ARIH2: variants seen among roughly 807,000 people sequenced by gnomAD.
ARIH2 encodes the protein ariadne RBR E3 ubiquitin protein ligase 2, also known as E3 ubiquitin-protein ligase ARIH2.
Under a neutral mutation model 79.8 loss-of-function variants are expected in ARIH2, and 12 were observed. The observed-to-expected ratio is 0.15, with a 90% confidence interval of 0.10 to 0.24. ARIH2 has a LOEUF of 0.24. Among genes scored for constraint, ARIH2 ranks in the 10% least tolerant of loss-of-function variants. The pLI, the probability that ARIH2 is intolerant of heterozygous loss-of-function variation, is 1.00. For synonymous variants in ARIH2, 224 were observed against 213.9 expected (o/e 1.05, Z -0.41); for missense variants, 301 against 618.3 (o/e 0.49, Z 5.44).
chr3:48,923,817 C>T (rs368574954), intron 2 of ARIH2, among the ~76,000 whole-genome samples: 5 of 151,936 alleles, frequency 3.3e-5, no homozygotes, highest in African/African-American at 7.3e-5. Context: ...CACCGCGCCT[C>T]GCCAATATTT....
intron 3 of ARIH2, among the ~76,000 whole-genome samples, chr3:48,937,271 A>G (rs751800180): frequency 2.6e-5 from 4 of 152,194 alleles, no homozygotes; most frequent in African/African-American, 7.2e-5. Flanking sequence ...AGGAGTCTGT[A>G]GATAACCTTG....
chr3:48,935,387 T>C (rs900646713), intron 3 of ARIH2, among the ~76,000 whole-genome samples: 2 of 152,268 alleles, frequency 1.3e-5, no homozygotes, highest in Non-Finnish European at 2.9e-5. Flanking sequence ...AATGGCTGTG[T>C]AGCATGCCAT....
At chr3:48,974,933 GT>G (rs1295596022) in intron 10 of ARIH2, 24 bp from the exon 11 acceptor site, 5 of 1,614,020 alleles carry the variant, frequency 3.1e-6, no homozygotes. Context: ...CCCTTAACGT[GT>G]TTTCTTCTGT....
chr3:48,947,370 G>A (rs761800211), intron 3 of ARIH2, among the ~76,000 whole-genome samples: 6 of 151,824 alleles, frequency 4.0e-5, no homozygotes, highest in Non-Finnish European at 5.9e-5. Flanking sequence ...GAACCTGGGC[G>A]GTGGAGGTTG....
chr3:48,939,528 C>A (rs951567362), intron 3 of ARIH2, among the ~76,000 whole-genome samples: 1 of 151,434 alleles, frequency 6.6e-6, no homozygotes, highest in East Asian at 1.9e-4. Flanking sequence ...GAGGCCGAGG[C>A]GGGTGGATCA....
At chr3:48,946,924 ACTTTC>A (rs1196778013) in intron 3 of ARIH2, among the ~76,000 whole-genome samples, 3 of 152,102 alleles carry the variant, frequency 2.0e-5, no homozygotes, top group African/African-American at 7.2e-5. Context: ...TTGCTCATAC[ACTTTC>A]CTTCCCTAGC....
At chr3:48,921,114 G>A (rs1173417900) in intron 1 of ARIH2, among the ~76,000 whole-genome samples, 1 of 75,006 alleles carries the variant, frequency 1.3e-5, no homozygotes, top group Non-Finnish European at 2.7e-5. Flanking sequence ...ATGCTACCAC[G>A]CCCAGCTAAT....
rs1466929886 is a variant in ARIH2 at position 48,964,990 on chromosome 3, T to G, written c.387+8T>G. 1 of 1,612,032 alleles carries G rather than the reference T, an allele frequency of 6.2e-7. No individual in the cohort carries two copies. The highest frequency in any genetic ancestry group is 1.1e-5 in the South Asian group (1 of 90,990). On this transcript the variant is annotated splice_region_variant and intron_variant, in intron 5 of 15. Transcript: ENST00000356401. Reference sequence around the variant, plus strand: ...CCTAATCCATCAAAACATGTGAGTGTCTATTACTTGAATGAGGCTTCTCCT... The same window carrying G: ...CCTAATCCATCAAAACATGTGAGTGGCTATTACTTGAATGAGGCTTCTCCT...
chr3:48,947,457 A>AG (rs397989522), intron 3 of ARIH2, among the ~76,000 whole-genome samples: 1 of 149,850 alleles, frequency 6.7e-6, no homozygotes, highest in East Asian at 2.0e-4. Flanking sequence ...AAAAAAAAAA[A>AG]GGAAAAAAAA....
At chr3:48,976,964 GC>G (rs1185176534) in intron 11 of ARIH2, among the ~76,000 whole-genome samples, 1 of 151,964 alleles carries the variant, frequency 6.6e-6, no homozygotes, top group Non-Finnish European at 1.5e-5. Flanking sequence ...ACTTTGGGAG[GC>G]CGAGGTGGGC....
At chr3:48,928,052 C>G (rs377213399) in intron 3 of ARIH2, 2 of 504,992 alleles carry the variant, frequency 4.0e-6, no homozygotes, top group African/African-American at 3.8e-5. Flanking sequence ...GGGACAGATT[C>G]AAGAAAGATG....
chr3:48,976,249 T>A (rs912087600), intron 11 of ARIH2, among the ~76,000 whole-genome samples: 1 of 151,264 alleles, frequency 6.6e-6, no homozygotes, highest in African/African-American at 2.4e-5. Flanking sequence ...GTTCTGCTCT[T>A]GTCGCTCAGG....
intron 3 of ARIH2, chr3:48,934,486 T>C: frequency 1.0e-6 from 1 of 985,396 alleles, no homozygotes; most frequent in Non-Finnish European, 1.2e-6. Context: ...AAGCTGGGCC[T>C]GGTTACACTG....
At chr3:48,975,490 C>T (rs1233438059) in intron 11 of ARIH2, among the ~76,000 whole-genome samples, 3 of 152,190 alleles carry the variant, frequency 2.0e-5, no homozygotes, top group African/African-American at 4.8e-5. Context: ...AAACAGAATC[C>T]CTTCAAGTAG....
At chr3:48,935,072 T>C (rs1321889194) in intron 3 of ARIH2, 1 of 520,014 alleles carries the variant, frequency 1.9e-6, no homozygotes, top group African/African-American at 2.1e-5. Flanking sequence ...TTCATTAACC[T>C]AAAATAAGTT....
chr3:48,934,160 T>C (rs1041836863), intron 3 of ARIH2, among the ~76,000 whole-genome samples: 1 of 152,200 alleles, frequency 6.6e-6, no homozygotes, highest in African/African-American at 2.4e-5. Flanking sequence ...TGCCGAAGTC[T>C]TTATAGTCCT....
In ARIH2 at chr3:48,976,852, C is replaced by T. The variant is rs60947038; in HGVS notation, c.961+1873C>T. Among the ~76,000 whole-genome samples the T allele has an allele frequency of 1.1e-3, 166 of 151,816 alleles. 3 individuals carry two copies. In the East Asian group the frequency reaches 0.023, roughly 21 times the overall value. ...CCCGGAGGTGGAGGTCACAGTGAGC[C>T]GAGATTGTGCCACTGAACTCCAGCC... On this transcript the variant is annotated intron_variant, in intron 11 of 15. Coordinates refer to ENST00000356401, the MANE Select transcript of ARIH2 (RefSeq NM_006321.4).
At chr3:48,979,129 A>G (rs1259333405) in intron 11 of ARIH2, among the ~76,000 whole-genome samples, 1 of 152,232 alleles carries the variant, frequency 6.6e-6, no homozygotes, top group African/African-American at 2.4e-5. Context: ...TAAGACAGTC[A>G]GGTCGGCCTC....
intron 1 of ARIH2, among the ~76,000 whole-genome samples, chr3:48,920,020 C>G (rs1306837201): frequency 6.7e-6 from 1 of 149,874 alleles, no homozygotes; most frequent in African/African-American, 2.5e-5. Flanking sequence ...GTTGCTGTCA[C>G]CAGGCTGGAG....
Sources: gnomAD v4.1 joint callset for allele counts (sites outside exome capture counted in the v4.1 genomes callset) on GRCh38, gnomAD v4.1.1 for gene constraint, MANE v1.5 for transcripts, NCBI Gene and HGNC (gene_info 2026-07-23, HGNC 2026-07-21) for gene names.